CRPPA: variants seen among roughly 807,000 people sequenced by gnomAD.
CRPPA encodes D-ribitol-5-phosphate cytidylyltransferase.
Under a neutral mutation model 52.0 loss-of-function variants are expected in CRPPA, and 43 were observed. The ratio of observed to expected loss-of-function variants is 0.83; its 90% confidence interval spans 0.65 to 1.07. The LOEUF is 1.07. Ranked by LOEUF, CRPPA falls within the 50% of genes least tolerant of loss-of-function variation. CRPPA has a pLI of 0.00. For missense variants in CRPPA, 629 were observed against 551.7 expected (o/e 1.14, Z -1.40); for synonymous variants, 250 against 203.5 (o/e 1.23, Z -1.94).
At chr7:16,253,210 T>C (rs1365798581) in intron 8 of CRPPA, among the ~76,000 whole-genome samples, 1 of 152,220 alleles carries the variant, frequency 6.6e-6, no homozygotes, top group Non-Finnish European at 1.5e-5. Flanking sequence ...GTGTCAATTT[T>C]AGATCTTTCC....
At chr7:16,180,990 G>T (rs565930726) in intron 9 of CRPPA, among the ~76,000 whole-genome samples, 3 of 152,008 alleles carry the variant, frequency 2.0e-5, no homozygotes, top group African/African-American at 7.2e-5. Context: ...AAACAGATGT[G>T]ATATACATGA....
chr7:16,340,478 G>A (rs2128305804), intron 3 of CRPPA, among the ~76,000 whole-genome samples: 1 of 151,350 alleles, frequency 6.6e-6, no homozygotes, highest in East Asian at 1.9e-4. Context: ...GTTAAATAAG[G>A]ACATAAAAAT....
At chr7:16,365,414 C>A (rs964099971) in intron 3 of CRPPA, among the ~76,000 whole-genome samples, 5 of 152,168 alleles carry the variant, frequency 3.3e-5, no homozygotes, top group African/African-American at 1.2e-4. Context: ...AGTACTTAAG[C>A]CTTGCCTAAG....
chr7:16,342,799 C>CATATAGAGA (rs1230068209), intron 3 of CRPPA, among the ~76,000 whole-genome samples: 1 of 104,466 alleles, frequency 9.6e-6, no homozygotes, highest in Non-Finnish European at 1.9e-5. Flanking sequence ...ATATATATAT[C>CATATAGAGA]TATATAGATA....
intron 2 of CRPPA, among the ~76,000 whole-genome samples, chr7:16,401,600 A>C (rs1223770790): frequency 6.6e-6 from 1 of 152,206 alleles, no homozygotes; most frequent in Non-Finnish European, 1.5e-5. Context: ...CATTTGAGTC[A>C]TCCTATTGTT....
chr7:16,175,637 T>C (rs777496984), intron 9 of CRPPA, among the ~76,000 whole-genome samples: 9 of 152,172 alleles, frequency 5.9e-5, no homozygotes, highest in Non-Finnish European at 8.8e-5. Context: ...CTCTCCAGTC[T>C]TTCCCCATTA....
intron 8 of CRPPA, among the ~76,000 whole-genome samples, chr7:16,232,592 T>C (rs1609081): frequency 6.6e-6 from 1 of 151,910 alleles, no homozygotes. Flanking sequence ...ACACAGTAAG[T>C]AAGACAATAA....
intron 9 of CRPPA, among the ~76,000 whole-genome samples, chr7:16,150,499 T>C (rs1460967512): frequency 6.6e-6 from 1 of 152,180 alleles, no homozygotes; most frequent in Admixed American, 6.5e-5. Flanking sequence ...ATATGAAGCA[T>C]GGCTTTTTAA....
intron 2 of CRPPA, among the ~76,000 whole-genome samples, chr7:16,391,070 T>C (rs556805184): frequency 6.6e-6 from 1 of 152,268 alleles, no homozygotes; most frequent in Admixed American, 6.5e-5. Flanking sequence ...CAGAATTCTC[T>C]TGAATTCTGG....
chr7:16,341,215 G>C (rs1349198600), intron 3 of CRPPA, among the ~76,000 whole-genome samples: 1 of 151,842 alleles, frequency 6.6e-6, no homozygotes, highest in Non-Finnish European at 1.5e-5. Flanking sequence ...AGAACACCAA[G>C]AGTGAACCCT....
At chr7:16,111,311 T>C (rs1311205663) in intron 9 of CRPPA, among the ~76,000 whole-genome samples, 2 of 152,110 alleles carry the variant, frequency 1.3e-5, no homozygotes, top group East Asian at 1.9e-4. Flanking sequence ...AAAAAAACTC[T>C]TGTGCACTGT....
chr7:16,387,184 A>G (rs1259274032), intron 2 of CRPPA, among the ~76,000 whole-genome samples: 3 of 149,932 alleles, frequency 2.0e-5, no homozygotes, highest in Non-Finnish European at 3.0e-5. Flanking sequence ...AGGTTGGTAC[A>G]AAAGTAATTG....
At position 16,230,283 on chromosome 7, in the gene CRPPA, C is replaced by T. The variant is rs78526106; in HGVS notation, c.1120-14086G>A. 9.9e-5 allele frequency among the ~76,000 whole-genome samples: 15 copies of T among 152,184 alleles called. No individual in the cohort carries two copies. In the East Asian group the frequency reaches 2.7e-3, roughly 27 times the overall value. On this transcript the variant is annotated intron_variant, in intron 8 of 9. Transcript: ENST00000407010. ...AAAGATTGGCTCTTTGGATGCTGTA[C>T]CATAAACCCTATAACCTTTCTTCAT...
chr7:16,264,544 A>G (rs1783902154), intron 6 of CRPPA, among the ~76,000 whole-genome samples: 1 of 152,218 alleles, frequency 6.6e-6, no homozygotes, highest in East Asian at 1.9e-4. Context: ...AAAAAGCATT[A>G]AGGCCTAACT....
chr7:16,412,824 A>G (rs181290903), intron 1 of CRPPA, among the ~76,000 whole-genome samples: 1 of 152,204 alleles, frequency 6.6e-6, no homozygotes, highest in African/African-American at 2.4e-5. Flanking sequence ...GCAAATAGGA[A>G]CCTAGCCTTA....
At chr7:16,099,654 G>T (rs1562502645) in intron 9 of CRPPA, among the ~76,000 whole-genome samples, 2 of 152,084 alleles carry the variant, frequency 1.3e-5, no homozygotes, top group Non-Finnish European at 2.9e-5. Flanking sequence ...TTGCAGTGAG[G>T]AAAAATGTAG....
In CRPPA at chr7:16,168,534, AACACACACACAC is replaced by A. The variant is rs61189058; in HGVS notation, c.1251+47520_1251+47531del. On this transcript the variant is annotated intron_variant, in intron 9 of 9. Transcript: ENST00000407010. ...TGACATAAGACACTGAGTGAAGTAA[AACACACACACAC>A]ACACACACACACACACACACACACA... Among the ~76,000 whole-genome samples, 1,364 of 143,240 alleles carry A rather than the reference AACACACACACAC, an allele frequency of 9.5e-3. 4 individuals carry two copies. Among genetic ancestry groups the A allele is most frequent in the Non-Finnish European group, 0.013 (869 of 65,490 alleles). The allele number at this position is 143,240 out of a possible 152,430, so 94.0% of individuals were successfully genotyped here. A position where few individuals can be genotyped will look rare whatever the true frequency, so the allele number is the denominator to read the frequency against.
chr7:16,294,219 T>C (rs1784624895), intron 5 of CRPPA, among the ~76,000 whole-genome samples: 1 of 151,986 alleles, frequency 6.6e-6, no homozygotes, highest in African/African-American at 2.4e-5. Context: ...ATAAATATCA[T>C]CATTTGGGTT....
rs79115112 is a variant in CRPPA at position 16,364,080 on chromosome 7, G to A, written c.684+12012C>T. 4.9e-3 allele frequency among the ~76,000 whole-genome samples: 746 copies of A among 152,136 alleles called. 6 individuals are homozygous for A. Among genetic ancestry groups the A allele is most frequent in the African/African-American group, 0.016 (685 of 41,526 alleles). ...TTTAAAGACATCAACTTAATCCCAA[G>A]ATCTTTTTCAGTTATAAAATTTACT... On this transcript the variant is annotated intron_variant, in intron 3 of 9. Coordinates refer to ENST00000407010, the MANE Select transcript of CRPPA (RefSeq NM_001101426.4).
Sources: gnomAD v4.1 joint callset for allele counts (sites outside exome capture counted in the v4.1 genomes callset) on GRCh38, gnomAD v4.1.1 for gene constraint, MANE v1.5 for transcripts, NCBI Gene and HGNC (gene_info 2026-07-23, HGNC 2026-07-21) for gene names.